Variants in STRN3 observed in about 807,000 individuals in gnomAD.
STRN3 encodes striatin-3.
A neutral mutation model predicts 95.6 loss-of-function variants in STRN3; 29 were observed. The ratio of observed to expected loss-of-function variants is 0.30; its 90% CI spans 0.23 to 0.41. STRN3 has a LOEUF of 0.41. Ranked by LOEUF, STRN3 falls within the 10% of genes least tolerant of loss-of-function variation. STRN3 has a pLI of 1.00. For missense variants in STRN3, 890 were observed against 972.1 expected, an observed-to-expected ratio of 0.92 and a Z score of 1.12; for synonymous variants, 331 against 357.6, an observed-to-expected ratio of 0.93 and a Z score of 0.84.
At position 30,919,047 on chromosome 14, in the gene STRN3, G is replaced by C. The variant is rs369373717; in HGVS notation, c.1159C>G (p.His387Asp). The C allele has an allele frequency of 6.2e-7, 1 of 1,611,660 alleles. No homozygotes were observed. The highest frequency in any genetic ancestry group is 1.3e-5 in the African/African-American group (1 of 74,778). The change falls in exon 9 of 18, where the codon CAC becomes GAC. Residue 387 changes from histidine to aspartate, a missense_variant. His to Asp is a moderately conservative substitution (Grantham distance 81). Coordinates refer to ENST00000357479, the MANE Select transcript of STRN3 (RefSeq NM_001083893.2). ...IADLGDDELP[H>D]IPSGIINQSR... ...TGATTAATGATTCCTGAAGGGATGT[G>C]GGGCAGCTCATCATCTCCCAGATCA...
intron 7 of STRN3, among the ~76,000 whole-genome samples, chr14:30,934,909 T>C (rs1170669471): frequency 6.6e-6 from 1 of 152,130 alleles, no homozygotes; most frequent in Non-Finnish European, 1.5e-5. Context: ...CCAAATCAAT[T>C]AAATGTTTCA....
chr14:31,026,265 G>T lies in STRN3; in HGVS notation c.-80C>A. ...GGCCGGAGAGGGTGGCCCCGCGCTG[G>T]CTGCGGGGCGGAGGCCGGCCGGGAG... On this transcript the variant is annotated 5_prime_UTR_variant, in exon 1 of 18. Coordinates refer to ENST00000357479, the MANE Select transcript of STRN3 (RefSeq NM_001083893.2). 6 of 1,314,228 alleles carry T rather than the reference G, an allele frequency of 4.6e-6. No individual in the cohort carries two copies. Among genetic ancestry groups the T allele is most frequent in the Non-Finnish European group, 5.8e-6 (6 of 1,030,268 alleles). 81.4% of individuals were successfully genotyped at this position (1,314,228 alleles called of 1,614,324 possible).
At chr14:30,897,319 T>A (rs895066320) in intron 16 of STRN3, among the ~76,000 whole-genome samples, 1 of 152,134 alleles carries the variant, frequency 6.6e-6, no homozygotes, top group Non-Finnish European at 1.5e-5. Flanking sequence ...CTGTGGGGGA[T>A]CATGCCTGTA....
At chr14:30,965,886 T>C (rs1235887393) in intron 1 of STRN3, among the ~76,000 whole-genome samples, 1 of 152,128 alleles carries the variant, frequency 6.6e-6, no homozygotes, top group Non-Finnish European at 1.5e-5. Context: ...TCAAATAATA[T>C]GTCAGTATGT....
intron 1 of STRN3, among the ~76,000 whole-genome samples, chr14:31,023,234 C>T (rs1052663018): frequency 2.0e-5 from 3 of 152,096 alleles, no homozygotes; most frequent in Non-Finnish European, 4.4e-5. Context: ...AGAAAATGGA[C>T]TGTCTGTGGA....
intron 1 of STRN3, among the ~76,000 whole-genome samples, chr14:31,024,619 G>C (rs1045814473): frequency 6.6e-6 from 1 of 152,130 alleles, no homozygotes; most frequent in Non-Finnish European, 1.5e-5. Flanking sequence ...ACTTTGTGGA[G>C]TCATATAAAA....
At chr14:31,011,911 C>A (rs1882987048) in intron 1 of STRN3, among the ~76,000 whole-genome samples, 1 of 152,092 alleles carries the variant, frequency 6.6e-6, no homozygotes, top group Non-Finnish European at 1.5e-5. Context: ...GAAACCCTGT[C>A]TCTACCAAAA....
At chr14:30,916,806 G>A (rs1281952196) in intron 9 of STRN3, among the ~76,000 whole-genome samples, 1 of 151,938 alleles carries the variant, frequency 6.6e-6, no homozygotes, top group East Asian at 1.9e-4. Context: ...TAGTATAACG[G>A]GTCTATAAAA....
In STRN3 at chr14:31,026,068, C is replaced by A. The variant is rs1283385687; in HGVS notation, c.118G>T (p.Gly40Cys). The part of the protein sequence containing the change: ...LSPGGNGAAG[G>C]GGPPASEGAG... Reference sequence around the variant, plus strand: ...CCCTCGGAGGCCGGAGGACCCCCGCCGCCCGCCGCTCCGTTCCCCCCGGGC... The same window carrying A: ...CCCTCGGAGGCCGGAGGACCCCCGCAGCCCGCCGCTCCGTTCCCCCCGGGC... Residue 40 changes from glycine to cysteine, a missense_variant, in exon 1 of 18, where the codon GGC becomes TGC. Gly to Cys is a radical substitution (Grantham distance 159). Around this residue, in one of 3 missense-constraint regions of STRN3, gnomAD observed 526 missense variants for 526.3 expected, o/e 1.00. Coordinates refer to ENST00000357479, the MANE Select transcript of STRN3 (RefSeq NM_001083893.2). 1 of 1,520,550 alleles carries A rather than the reference C, an allele frequency of 6.6e-7. No homozygotes were observed. The highest frequency in any genetic ancestry group is 8.8e-7 in the Non-Finnish European group (1 of 1,136,138). The allele number at this position is 1,520,550 out of a possible 1,614,324, so 94.2% of individuals were successfully genotyped here.
chr14:30,953,614 A>G (rs371914970), intron 3 of STRN3, among the ~76,000 whole-genome samples: 1 of 152,266 alleles, frequency 6.6e-6, no homozygotes, highest in East Asian at 1.9e-4. Flanking sequence ...GAGTGGAGTT[A>G]CTGGATCATA....
intron 1 of STRN3, among the ~76,000 whole-genome samples, chr14:30,977,083 G>A (rs887895208): frequency 1.3e-5 from 2 of 152,054 alleles, no homozygotes; most frequent in African/African-American, 4.8e-5. Context: ...AAAATTCGCT[G>A]GGTATGGTGG....
chr14:30,970,911 G>A (rs1362540057), intron 1 of STRN3, among the ~76,000 whole-genome samples: 3 of 152,224 alleles, frequency 2.0e-5, no homozygotes, highest in African/African-American at 4.8e-5. Context: ...CAGTCAACCA[G>A]GCAAGGGCTG....
At chr14:31,013,645 G>A (rs1301035828) in intron 1 of STRN3, among the ~76,000 whole-genome samples, 1 of 151,704 alleles carries the variant, frequency 6.6e-6, no homozygotes, top group East Asian at 1.9e-4. Flanking sequence ...CCAGGCTGAA[G>A]AGCAGTGGTG....
chr14:30,978,932 G>A (rs1202402320), intron 1 of STRN3, among the ~76,000 whole-genome samples: 1 of 150,390 alleles, frequency 6.6e-6, no homozygotes, highest in Non-Finnish European at 1.5e-5. Context: ...TACTCAGGAG[G>A]CTGAGGCAGG....
At chr14:30,985,475 A>G (rs1197855314) in intron 1 of STRN3, among the ~76,000 whole-genome samples, 1 of 151,380 alleles carries the variant, frequency 6.6e-6, no homozygotes, top group Non-Finnish European at 1.5e-5. Context: ...ATGGTGGCGC[A>G]TGCCTGTAGT....
intron 1 of STRN3, among the ~76,000 whole-genome samples, chr14:30,970,820 C>T (rs1048013057): frequency 2.0e-5 from 3 of 152,210 alleles, no homozygotes; most frequent in Admixed American, 1.3e-4. Context: ...ATTCCACCCG[C>T]ACATTAAACA....
chr14:30,901,211 T>C (rs984239070), intron 16 of STRN3, among the ~76,000 whole-genome samples: 1 of 150,974 alleles, frequency 6.6e-6, no homozygotes, highest in African/African-American at 2.4e-5. Context: ...GAGGCTGACA[T>C]GGGAGGACTA....
chr14:30,900,442 G>GT (rs1896277422), intron 16 of STRN3, among the ~76,000 whole-genome samples: 1 of 143,914 alleles, frequency 6.9e-6, no homozygotes, highest in Non-Finnish European at 1.5e-5. Flanking sequence ...GGGGTGTGGG[G>GT]CGGGGGGGGG....
intron 15 of STRN3, among the ~76,000 whole-genome samples, chr14:30,904,349 T>G (rs1490678407): frequency 2.0e-5 from 3 of 152,064 alleles, no homozygotes; most frequent in African/African-American, 7.2e-5. Context: ...CAGCAATAAA[T>G]AAAGATAATA....
Sources: allele counts gnomAD v4.1 joint callset (sites outside exome capture counted in the v4.1 genomes callset), GRCh38; gene constraint gnomAD v4.1.1; regional missense constraint gnomAD v4.1.1; transcripts MANE v1.5; gene names NCBI Gene and HGNC (gene_info 2026-07-23, HGNC 2026-07-21).